DPYD: variants seen among roughly 807,000 people sequenced by gnomAD.
The protein encoded by DPYD is dihydropyrimidine dehydrogenase [NADP(+)].
DPYD carries 109 observed loss-of-function variants against 116.2 expected under a neutral mutation model. That is an observed-to-expected ratio of 0.94 (90% confidence interval 0.80 to 1.10). DPYD has a LOEUF of 1.10. DPYD is among the 50% of genes least tolerant of loss of function. DPYD has a pLI of 0.00. For missense variants in DPYD, 1,302 were observed against 1,254.5 expected (o/e 1.04, Z -0.57); for synonymous variants, 440 against 432.0 (o/e 1.02, Z -0.23).
intron 20 of DPYD, among the ~76,000 whole-genome samples, chr1:97,169,523 TTTTTATTTTATTTTATTTTA>T (rs11275458): frequency 7.0e-6 from 1 of 143,016 alleles, no homozygotes; most frequent in African/African-American, 2.6e-5. Flanking sequence ...ATTGGGTTAA[TTTTTATTTTATTTTATTTTA>T]TTTTATTTTA....
intron 12 of DPYD, among the ~76,000 whole-genome samples, chr1:97,547,225 TA>T (rs111889402): frequency 0.011 from 1,669 of 152,014 alleles, 26 homozygotes; most frequent in African/African-American, 0.036. Context: ...TTGTTATTAT[TA>T]AAAAAAACTG....
At chr1:97,688,742 C>T (rs140228986) in intron 7 of DPYD, among the ~76,000 whole-genome samples, 8 of 151,868 alleles carry the variant, frequency 5.3e-5, no homozygotes, top group South Asian at 2.1e-4. Context: ...CTGTTCCCTG[C>T]GATATTTCTG....
chr1:97,185,620 T>C (rs1035337044), intron 20 of DPYD, among the ~76,000 whole-genome samples: 4 of 152,190 alleles, frequency 2.6e-5, no homozygotes, highest in Non-Finnish European at 2.9e-5. Flanking sequence ...TAATAAAATA[T>C]AGTATTATTT....
At chr1:97,413,604 C>T (rs12750717) in intron 14 of DPYD, among the ~76,000 whole-genome samples, 2,317 of 152,192 alleles carry the variant, frequency 0.015, 29 homozygotes, top group Middle Eastern at 0.044. Context: ...GCTGGGACTA[C>T]GGACACTACA....
chr1:97,247,342 T>G (rs1662786091), intron 18 of DPYD, among the ~76,000 whole-genome samples: 1 of 152,186 alleles, frequency 6.6e-6, no homozygotes, highest in Admixed American at 6.6e-5. Context: ...CTAAAGGAAC[T>G]GTAATACTAC....
intron 3 of DPYD, among the ~76,000 whole-genome samples, chr1:97,807,055 T>G (rs1434012263): frequency 1.3e-5 from 2 of 152,038 alleles, no homozygotes; most frequent in Non-Finnish European, 2.9e-5. Context: ...TATTTAGGCT[T>G]TCATCTTCTA....
chr1:97,279,239 T>C (rs968962599), intron 18 of DPYD, among the ~76,000 whole-genome samples: 1 of 152,028 alleles, frequency 6.6e-6, no homozygotes, highest in Non-Finnish European at 1.5e-5. Flanking sequence ...TCCCCACACA[T>C]ATATGAGAAG....
intron 12 of DPYD, among the ~76,000 whole-genome samples, chr1:97,548,014 C>A (rs1445657509): frequency 6.6e-6 from 1 of 151,720 alleles, no homozygotes; most frequent in African/African-American, 2.4e-5. Flanking sequence ...ATGAGAAGGA[C>A]AACTAGAATA....
intron 20 of DPYD, among the ~76,000 whole-genome samples, chr1:97,136,795 T>C (rs1653837554): frequency 6.6e-6 from 1 of 152,152 alleles, no homozygotes; most frequent in Admixed American, 6.6e-5. Context: ...CGCAAATTTA[T>C]GACAAGAAGA....
At chr1:97,770,568 A>G (rs1451945044) in intron 3 of DPYD, among the ~76,000 whole-genome samples, 2 of 152,216 alleles carry the variant, frequency 1.3e-5, no homozygotes, top group South Asian at 4.1e-4. Context: ...AACACTGTAC[A>G]TGAGAACAAA....
intron 8 of DPYD, among the ~76,000 whole-genome samples, chr1:97,671,720 G>A (rs1031794762): frequency 2.0e-5 from 3 of 151,738 alleles, no homozygotes; most frequent in Admixed American, 2.0e-4. Context: ...TGCAATTCAA[G>A]GATAAAAACC....
intron 4 of DPYD, among the ~76,000 whole-genome samples, chr1:97,739,724 G>A (rs973005066): frequency 4.6e-5 from 7 of 151,796 alleles, no homozygotes; most frequent in African/African-American, 7.3e-5. Context: ...ACACTTGGGC[G>A]AGCTCTCAAT....
intron 15 of DPYD, among the ~76,000 whole-genome samples, 179 bp from the exon 16 acceptor site, chr1:97,373,823 C>G (rs1018130981): frequency 2.6e-5 from 4 of 152,144 alleles, no homozygotes; most frequent in African/African-American, 7.2e-5. Context: ...TAACAACCAC[C>G]ACCACAACAA....
At chr1:97,566,431 T>A (rs888918160) in intron 11 of DPYD, among the ~76,000 whole-genome samples, 2 of 152,278 alleles carry the variant, frequency 1.3e-5, no homozygotes, top group Non-Finnish European at 1.5e-5. Context: ...TTGTATTGTA[T>A]CCAGTGTATT....
chr1:97,544,143 G>A (rs1479722771), intron 12 of DPYD, among the ~76,000 whole-genome samples: 3 of 152,194 alleles, frequency 2.0e-5, no homozygotes, highest in African/African-American at 7.2e-5. Context: ...TGGCTGCAGT[G>A]TAGGGGCATT....
At chr1:97,749,185 A>T (rs1041785315) in intron 3 of DPYD, among the ~76,000 whole-genome samples, 1 of 152,214 alleles carries the variant, frequency 6.6e-6, no homozygotes, top group African/African-American at 2.4e-5. Flanking sequence ...AATTTCCGTG[A>T]CAAAATAGGC....
intron 19 of DPYD, among the ~76,000 whole-genome samples, chr1:97,232,628 A>G (rs144040600): frequency 4.4e-4 from 67 of 151,262 alleles, no homozygotes; most frequent in African/African-American, 1.6e-3. Flanking sequence ...GCCAATTTCT[A>G]TTGCCAATTT....
At chr1:97,636,606 T>A (rs1290296349) in intron 8 of DPYD, among the ~76,000 whole-genome samples, 1 of 152,178 alleles carries the variant, frequency 6.6e-6, no homozygotes, top group Non-Finnish European at 1.5e-5. Flanking sequence ...AATGAAGACA[T>A]ATAATATGTG....
chr1:97,088,010 T>C (rs1365522507), intron 21 of DPYD, among the ~76,000 whole-genome samples: 1 of 152,196 alleles, frequency 6.6e-6, no homozygotes, highest in East Asian at 1.9e-4. Flanking sequence ...GATGCCACCC[T>C]TTTATTTCAT....
Sources: allele counts gnomAD v4.1 joint callset (sites outside exome capture counted in the v4.1 genomes callset), GRCh38; gene constraint gnomAD v4.1.1; transcripts MANE v1.5; gene names NCBI Gene and HGNC (gene_info 2026-07-23, HGNC 2026-07-21).